ST8SIA6: variants seen among roughly 807,000 people sequenced by gnomAD.
ST8SIA6 encodes ST8 alpha-N-acetyl-neuraminide alpha-2,8-sialyltransferase 6.
ST8SIA6 carries 39 observed loss-of-function variants against 33.6 expected under a neutral mutation model. The observed-to-expected ratio is 1.16, with a 90% CI of 0.90 to 1.52. ST8SIA6 has a LOEUF of 1.52. Among genes scored for constraint, ST8SIA6 ranks in the 40% most tolerant of loss-of-function variants. The probability of loss-of-function intolerance (pLI) is 0.00; values close to 1 mark genes in which losing one functional copy is unlikely to be tolerated. For synonymous variants in ST8SIA6, 172 were observed against 167.2 expected (o/e 1.03, Z -0.22); for missense variants, 441 against 443.8 (o/e 0.99, Z 0.06).
intron 3 of ST8SIA6, among the ~76,000 whole-genome samples, chr10:17,388,904 G>A (rs1015495856): frequency 6.6e-6 from 1 of 152,056 alleles, no homozygotes; most frequent in Non-Finnish European, 1.5e-5. Context: ...ACAGTTTAGG[G>A]GTCATGCAGA....
chr10:17,386,623 T>C (rs76977755), intron 3 of ST8SIA6, among the ~76,000 whole-genome samples: 5,804 of 152,270 alleles, frequency 0.038, 135 homozygotes, highest in African/African-American at 0.062. Flanking sequence ...GCTCTTGTAT[T>C]GGTTCGAACC....
chr10:17,391,124 C>T (rs1208706501), intron 2 of ST8SIA6, among the ~76,000 whole-genome samples: 1 of 152,142 alleles, frequency 6.6e-6, no homozygotes, highest in African/African-American at 2.4e-5. Flanking sequence ...TCCCAAAGTG[C>T]TGGGATTACA....
chr10:17,380,774 TTC>T (rs1850106839), intron 3 of ST8SIA6, among the ~76,000 whole-genome samples: 1 of 147,894 alleles, frequency 6.8e-6, no homozygotes, highest in East Asian at 2.2e-4. Flanking sequence ...TGTGTATGTG[TTC>T]ATGTTTGTGT....
At chr10:17,366,579 G>GT (rs1849566174) in intron 3 of ST8SIA6, among the ~76,000 whole-genome samples, 1 of 152,074 alleles carries the variant, frequency 6.6e-6, no homozygotes, top group South Asian at 2.1e-4. Context: ...AGGGAATGGT[G>GT]TATCTGTTTA....
intron 5 of ST8SIA6, among the ~76,000 whole-genome samples, chr10:17,330,533 C>T (rs899579938): frequency 6.6e-6 from 1 of 152,044 alleles, no homozygotes. Flanking sequence ...TATTCTTCCT[C>T]TAAATCCTAA....
intron 4 of ST8SIA6, among the ~76,000 whole-genome samples, chr10:17,347,612 G>C (rs752136882): frequency 2.0e-5 from 3 of 152,090 alleles, no homozygotes; most frequent in Non-Finnish European, 2.9e-5. Flanking sequence ...CTGCCTTCAG[G>C]TGCCATTTGC....
At position 17,321,086 on chromosome 10, in the gene ST8SIA6, A is replaced by G. The variant is rs138990977; in HGVS notation, c.989T>C (p.Val330Ala). The change falls in exon 8 of 8, where the codon GTT (valine) becomes GCT (alanine). Residue 330 changes from valine (V) to alanine (A), a missense_variant. Coordinates refer to ENST00000377602, the MANE Select transcript of ST8SIA6 (RefSeq NM_001004470.3). ...CACATTTTTACACAGTTCCACTGCA[A>G]CACTTGTGATCATCAAGCCGGTGGA... The part of the protein sequence containing the change: ...RLSTGLMITS[V>A]AVELCKNVKL... 3 of 1,614,000 alleles carry G rather than the reference A, an allele frequency of 1.9e-6. No individual in the cohort carries two copies. The highest frequency in any genetic ancestry group is 2.7e-5 in the African/African-American group (2 of 74,916).
intron 2 of ST8SIA6, among the ~76,000 whole-genome samples, chr10:17,451,593 G>A (rs1040498379): frequency 3.3e-5 from 5 of 152,148 alleles, no homozygotes; most frequent in African/African-American, 7.2e-5. Flanking sequence ...AATTAAAAAT[G>A]TCAAGTGCTT....
At chr10:17,389,193 C>T (rs1850489382) in intron 3 of ST8SIA6, among the ~76,000 whole-genome samples, 1 of 152,166 alleles carries the variant, frequency 6.6e-6, no homozygotes, top group Non-Finnish European at 1.5e-5. Context: ...TCTAAAAACT[C>T]TGATCCCCGA....
intron 2 of ST8SIA6, among the ~76,000 whole-genome samples, chr10:17,440,068 A>G (rs1234624392): frequency 3.3e-5 from 5 of 152,186 alleles, no homozygotes; most frequent in African/African-American, 1.2e-4. Context: ...GGGTATAACT[A>G]TGGGATTCAG....
chr10:17,335,594 T>C (rs559646959), intron 4 of ST8SIA6, among the ~76,000 whole-genome samples: 1 of 152,338 alleles, frequency 6.6e-6, no homozygotes, highest in East Asian at 1.9e-4. Context: ...ACCCACTTAT[T>C]ATTTCTTTTT....
chr10:17,414,499 T>A (rs1482464002), intron 2 of ST8SIA6, among the ~76,000 whole-genome samples: 1 of 152,228 alleles, frequency 6.6e-6, no homozygotes, highest in African/African-American at 2.4e-5. Flanking sequence ...TGTGCCTGTC[T>A]TAGTCAGCTT....
At position 17,317,541 on chromosome 10, in the gene ST8SIA6, G is replaced by A. The variant is rs933755462; in HGVS notation, c.*3337C>T. On this transcript the variant is annotated 3_prime_UTR_variant, in exon 8 of 8. Coordinates refer to ENST00000377602, the MANE Select transcript of ST8SIA6 (RefSeq NM_001004470.3). ...CCATGTCATGTTAGATAAATAAAAT[G>A]TCTTGAAGATCACAATATATTATAT... Among the ~76,000 whole-genome samples, 3 of 152,182 alleles carry A rather than the reference G, an allele frequency of 2.0e-5. No homozygotes were observed. Among genetic ancestry groups the A allele is most frequent in the Non-Finnish European group, 4.4e-5 (3 of 68,018 alleles).
intron 5 of ST8SIA6, among the ~76,000 whole-genome samples, chr10:17,330,402 T>C (rs536697644): frequency 1.3e-5 from 2 of 152,344 alleles, no homozygotes; most frequent in South Asian, 4.1e-4. Context: ...ATCTTTTCAA[T>C]CACTGGTCAT....
At chr10:17,390,330 A>ACC (rs1203225426) in intron 3 of ST8SIA6, among the ~76,000 whole-genome samples, 2 of 152,152 alleles carry the variant, frequency 1.3e-5, no homozygotes, top group African/African-American at 4.8e-5. Context: ...AAATAAGTTG[A>ACC]GTCCCACTGC....
chr10:17,445,542 AAAG>A (rs749915660), intron 2 of ST8SIA6, among the ~76,000 whole-genome samples: 53 of 152,306 alleles, frequency 3.5e-4, no homozygotes, highest in Non-Finnish European at 7.2e-4. Context: ...TTTCTTTTCC[AAAG>A]AATAGAGAGC....
intron 3 of ST8SIA6, among the ~76,000 whole-genome samples, chr10:17,360,316 C>T (rs1370395634): frequency 6.6e-6 from 1 of 151,894 alleles, no homozygotes; most frequent in Non-Finnish European, 1.5e-5. Context: ...TCATTAGTTG[C>T]CAGGTATTAG....
At position 17,332,058 on chromosome 10, in the gene ST8SIA6, C is replaced by T. The variant is rs570782155; in HGVS notation, c.378-506G>A. Among the ~76,000 whole-genome samples, 3 of 152,284 alleles carry T rather than the reference C, an allele frequency of 2.0e-5. No individual in the cohort carries two copies. The South Asian group carries it at 6.2e-4, about 32-fold the overall frequency. On this transcript the variant is annotated intron_variant, in intron 4 of 7. Transcript: ENST00000377602. Reference sequence around the variant, plus strand: ...CATGTGGTGTGTTTGGTTTTCTGTTCCTGTGTCAGTTTGATGAAGATGATG... The same window carrying T: ...CATGTGGTGTGTTTGGTTTTCTGTTTCTGTGTCAGTTTGATGAAGATGATG...
chr10:17,358,055 T>C (rs567295814), intron 4 of ST8SIA6, among the ~76,000 whole-genome samples: 2 of 152,170 alleles, frequency 1.3e-5, no homozygotes, highest in Admixed American at 1.3e-4. Context: ...GTCCTGGAAA[T>C]GAAATCGTTA....
Sources: allele counts gnomAD v4.1 joint callset (sites outside exome capture counted in the v4.1 genomes callset), GRCh38; gene constraint gnomAD v4.1.1; transcripts MANE v1.5; gene names NCBI Gene and HGNC (gene_info 2026-07-23, HGNC 2026-07-21).